The following CSNK2A2IP variants were observed in gnomAD, a reference collection of about 807,000 sequenced individuals.
CSNK2A2IP encodes casein kinase 2 subunit alpha' interacting protein.
the CSNK2A2IP span, among the ~76,000 whole-genome samples, chr3:88,348,690 C>G: frequency 6.6e-6 from 1 of 151,988 alleles, no homozygotes; most frequent in South Asian, 2.1e-4. Flanking sequence ...CTCTCTTAAT[C>G]AATAAGTGGC....
the CSNK2A2IP span, chr3:88,466,549 T>C: frequency 8.1e-7 from 1 of 1,231,776 alleles, no homozygotes; most frequent in Non-Finnish European, 1.0e-6. Context: ...TAAAAGCAGC[T>C]TTCAGTTTTC....
chr3:88,376,253 A>AGTGGT, the CSNK2A2IP span, among the ~76,000 whole-genome samples: 3 of 151,686 alleles, frequency 2.0e-5, no homozygotes, highest in African/African-American at 7.3e-5. Context: ...CCCACTCTAA[A>AGTGGT]ACATATTAAT....
At chr3:88,449,975 C>A in the CSNK2A2IP span, among the ~76,000 whole-genome samples, 1 of 150,238 alleles carries the variant, frequency 6.7e-6, no homozygotes, top group African/African-American at 2.4e-5. Flanking sequence ...TCAAGCAATT[C>A]TCCTGCCTCA....
the CSNK2A2IP span, among the ~76,000 whole-genome samples, chr3:88,419,234 C>T: frequency 6.6e-6 from 1 of 152,104 alleles, no homozygotes; most frequent in Admixed American, 6.5e-5. Context: ...TCTCCCACCC[C>T]CTGGTCTGTG....
At chr3:88,340,372 T>A in the CSNK2A2IP span, among the ~76,000 whole-genome samples, 6 of 152,006 alleles carry the variant, frequency 3.9e-5, no homozygotes, top group African/African-American at 1.4e-4. Context: ...TTTTAAAAAA[T>A]TGCCTGTAGT....
chr3:88,371,444 G>A, the CSNK2A2IP span, among the ~76,000 whole-genome samples: 1 of 151,652 alleles, frequency 6.6e-6, no homozygotes, highest in Non-Finnish European at 1.5e-5. Flanking sequence ...GGGTTCAAAA[G>A]TAGATTGGAG....
the CSNK2A2IP span, among the ~76,000 whole-genome samples, chr3:88,358,169 T>G: frequency 6.6e-6 from 1 of 152,192 alleles, no homozygotes; most frequent in Non-Finnish European, 1.5e-5. Context: ...ATGCTACTGA[T>G]TTTTGTATGT....
the CSNK2A2IP span, among the ~76,000 whole-genome samples, chr3:88,403,263 T>G: frequency 6.6e-6 from 1 of 152,028 alleles, no homozygotes. Context: ...AATATTTTTA[T>G]TAGGTTTTTT....
the CSNK2A2IP span, among the ~76,000 whole-genome samples, chr3:88,461,895 T>C: frequency 6.6e-6 from 1 of 151,884 alleles, no homozygotes; most frequent in South Asian, 2.1e-4. Flanking sequence ...TGCGAATCAA[T>C]ACGCCCAGCT....
the CSNK2A2IP span, among the ~76,000 whole-genome samples, chr3:88,348,990 A>G: frequency 6.6e-6 from 1 of 151,420 alleles, no homozygotes; most frequent in Non-Finnish European, 1.5e-5. Flanking sequence ...TTTTTGCTTC[A>G]TTATCATTAC....
At chr3:88,368,631 T>C in the CSNK2A2IP span, among the ~76,000 whole-genome samples, 1 of 152,062 alleles carries the variant, frequency 6.6e-6, no homozygotes, top group Non-Finnish European at 1.5e-5. Flanking sequence ...GTAATTAGGA[T>C]ACTTTTTCAC....
the CSNK2A2IP span, among the ~76,000 whole-genome samples, chr3:88,349,317 A>G: frequency 6.6e-6 from 1 of 151,828 alleles, no homozygotes; most frequent in African/African-American, 2.4e-5. Flanking sequence ...TCCACAGTCC[A>G]CTATATTGCT....
the CSNK2A2IP span, among the ~76,000 whole-genome samples, chr3:88,418,459 T>TGCGC: frequency 1.6e-4 from 13 of 80,760 alleles, no homozygotes; most frequent in East Asian, 2.2e-3. Flanking sequence ...TGTGTGTGTG[T>TGCGC]GTGTGCGCGC....
the CSNK2A2IP span, among the ~76,000 whole-genome samples, chr3:88,435,643 T>G: frequency 1.3e-5 from 2 of 152,100 alleles, no homozygotes; most frequent in East Asian, 3.9e-4. Context: ...TTCTATTACT[T>G]GCGGCCTTTA....
At chr3:88,435,315 T>C in the CSNK2A2IP span, among the ~76,000 whole-genome samples, 1 of 152,132 alleles carries the variant, frequency 6.6e-6, no homozygotes, top group South Asian at 2.1e-4. Context: ...GAAATTCATT[T>C]AGGAATGGGC....
chr3:88,383,651 C>CTT, the CSNK2A2IP span, among the ~76,000 whole-genome samples: 58 of 88,286 alleles, frequency 6.6e-4, no homozygotes, highest in African/African-American at 1.6e-3. Context: ...TCTTTTCTTT[C>CTT]TTTTTTTTTT....
chr3:88,356,487 T>C, the CSNK2A2IP span, among the ~76,000 whole-genome samples: 4 of 152,174 alleles, frequency 2.6e-5, no homozygotes, highest in Non-Finnish European at 5.9e-5. Context: ...ATTTTCTTTA[T>C]CTATTCTTCT....
the CSNK2A2IP span, among the ~76,000 whole-genome samples, chr3:88,449,456 C>T: frequency 1.6e-4 from 24 of 152,088 alleles, no homozygotes; most frequent in Admixed American, 3.3e-4. Flanking sequence ...ACTTCAAAGT[C>T]CCTGTATCTT....
At chr3:88,402,799 G>A in the CSNK2A2IP span, among the ~76,000 whole-genome samples, 3 of 151,984 alleles carry the variant, frequency 2.0e-5, no homozygotes, top group Non-Finnish European at 4.4e-5. Context: ...GAATGTAAGG[G>A]GGATGATTGC....
Sources: gnomAD v4.1 joint callset for allele counts (sites outside exome capture counted in the v4.1 genomes callset) on GRCh38, gnomAD v4.1.1 for gene constraint, MANE v1.5 for transcripts, NCBI Gene and HGNC (gene_info 2026-07-23, HGNC 2026-07-21) for gene names.